SYNPR: variants seen among roughly 807,000 people sequenced by gnomAD.
SYNPR encodes the protein synaptoporin.
A neutral mutation model predicts 32.9 loss-of-function variants in SYNPR; 23 were observed. That is an observed-to-expected ratio of 0.70 (90% CI 0.50 to 0.99). The LOEUF is 0.99. Among genes scored for constraint, SYNPR ranks in the 50% least tolerant of loss-of-function variants. SYNPR has a pLI of 0.00. For synonymous variants in SYNPR, 146 were observed against 135.9 expected (o/e 1.07, Z -0.52); for missense variants, 318 against 349.3 (o/e 0.91, Z 0.71).
intron 2 of SYNPR, among the ~76,000 whole-genome samples, chr3:63,471,800 C>T (rs1700805347): frequency 6.6e-6 from 1 of 152,064 alleles, no homozygotes; most frequent in Non-Finnish European, 1.5e-5. Flanking sequence ...AAGAGGGGGA[C>T]ATCAAAGCAG....
chr3:63,400,654 A>T lies in SYNPR; in HGVS notation c.85-80178A>T, dbSNP rs188184113. Reference sequence around the variant, plus strand: ...CCATTGCTGTCATGACATTCTATTCATTGATGAGTCACCGAACTGAGCCCA... The same window carrying T: ...CCATTGCTGTCATGACATTCTATTCTTTGATGAGTCACCGAACTGAGCCCA... On this transcript the variant is annotated intron_variant, in intron 2 of 5. Transcript: ENST00000478300. 9.6e-4 allele frequency among the ~76,000 whole-genome samples: 146 copies of T among 152,348 alleles called. 1 individual carries two copies. The highest frequency in any genetic ancestry group is 3.5e-3 in the African/African-American group (144 of 41,588).
intron 2 of SYNPR, among the ~76,000 whole-genome samples, chr3:63,413,693 T>G (rs1447755097): frequency 1.3e-5 from 2 of 152,132 alleles, no homozygotes; most frequent in African/African-American, 2.4e-5. Context: ...GAAATCACTA[T>G]GAGCTATTGT....
intron 1 of SYNPR, among the ~76,000 whole-genome samples, chr3:63,240,680 G>A (rs2086234662): frequency 6.6e-6 from 1 of 152,162 alleles, no homozygotes; most frequent in Non-Finnish European, 1.5e-5. Flanking sequence ...ATCCATCATT[G>A]CGAAGGACAT....
intron 1 of SYNPR, among the ~76,000 whole-genome samples, chr3:63,239,942 T>C (rs2086228940): frequency 6.6e-6 from 1 of 152,130 alleles, no homozygotes; most frequent in Non-Finnish European, 1.5e-5. Flanking sequence ...ATTTATAAGA[T>C]GGAAATAGAT....
chr3:63,295,918 A>G (rs920516084), intron 2 of SYNPR, among the ~76,000 whole-genome samples: 1 of 151,972 alleles, frequency 6.6e-6, no homozygotes, highest in African/African-American at 2.4e-5. Flanking sequence ...TGCTTTTTTT[A>G]TTTGTTTTGG....
At chr3:63,609,987 G>C (rs1273135077) in intron 5 of SYNPR, among the ~76,000 whole-genome samples, 4 of 152,124 alleles carry the variant, frequency 2.6e-5, no homozygotes, top group Non-Finnish European at 5.9e-5. Flanking sequence ...GGGCATACAA[G>C]TTCCTGGGGA....
intron 2 of SYNPR, among the ~76,000 whole-genome samples, chr3:63,462,181 T>G (rs1399872479): frequency 1.3e-5 from 2 of 152,064 alleles, no homozygotes; most frequent in African/African-American, 2.4e-5. Flanking sequence ...CTAGCTCCTT[T>G]TCTGTCTTTT....
At chr3:63,379,106 G>C (rs552326162) in intron 2 of SYNPR, among the ~76,000 whole-genome samples, 7 of 152,154 alleles carry the variant, frequency 4.6e-5, no homozygotes, top group African/African-American at 1.7e-4. Context: ...GTGTTTGGGG[G>C]AAGTTTTATG....
intron 2 of SYNPR, among the ~76,000 whole-genome samples, chr3:63,365,792 T>G (rs1418404447): frequency 1.3e-5 from 2 of 150,798 alleles, no homozygotes; most frequent in African/African-American, 4.9e-5. Flanking sequence ...TAAAATGGGA[T>G]AGACAAAAAC....
chr3:63,593,138 G>A (rs11916554), intron 4 of SYNPR, among the ~76,000 whole-genome samples: 1,850 of 152,132 alleles, frequency 0.012, 29 homozygotes, highest in African/African-American at 0.037. Context: ...AGAGGGCTTA[G>A]CACAGCACCT....
intron 4 of SYNPR, among the ~76,000 whole-genome samples, chr3:63,559,102 C>A (rs1350261391): frequency 9.3e-4 from 129 of 138,386 alleles, no homozygotes; most frequent in Non-Finnish European, 1.6e-3. Flanking sequence ...CAGGATCTTA[C>A]TGTCACCCAG....
chr3:63,331,129 G>C (rs190635632), intron 2 of SYNPR, among the ~76,000 whole-genome samples: 1 of 152,256 alleles, frequency 6.6e-6, no homozygotes, highest in Admixed American at 6.5e-5. Context: ...GCCTAGGACA[G>C]ACATCACTAA....
chr3:63,350,295 C>G (rs1181586845), intron 2 of SYNPR, among the ~76,000 whole-genome samples: 1 of 151,954 alleles, frequency 6.6e-6, no homozygotes, highest in Non-Finnish European at 1.5e-5. Context: ...TATATACAGC[C>G]TTTATAGAAA....
upstream of SYNPR, among the ~76,000 whole-genome samples, chr3:63,226,101 T>A (rs1324691365): frequency 6.6e-6 from 1 of 152,118 alleles, no homozygotes; most frequent in Non-Finnish European, 1.5e-5. Flanking sequence ...ATGTTCAACA[T>A]CCCTGATAAT....
intron 1 of SYNPR, among the ~76,000 whole-genome samples, chr3:63,240,413 C>T (rs1197534852): frequency 6.6e-6 from 1 of 152,072 alleles, no homozygotes; most frequent in Non-Finnish European, 1.5e-5. Flanking sequence ...ACAGCATTCC[C>T]TACACTCATG....
intron 2 of SYNPR, among the ~76,000 whole-genome samples, chr3:63,253,844 G>A (rs1466824695): frequency 6.6e-6 from 1 of 152,120 alleles, no homozygotes; most frequent in Non-Finnish European, 1.5e-5. Context: ...TATAAAACAT[G>A]CTACTGTAAA....
intron 1 of SYNPR, among the ~76,000 whole-genome samples, chr3:63,237,923 C>T (rs1035796359): frequency 2.6e-5 from 4 of 152,030 alleles, no homozygotes; most frequent in Non-Finnish European, 5.9e-5. Context: ...AAGGAGAGTG[C>T]TGCTCCCAGA....
At chr3:63,607,487 T>C (rs1191096417) in intron 4 of SYNPR, among the ~76,000 whole-genome samples, 2 of 152,184 alleles carry the variant, frequency 1.3e-5, no homozygotes, top group African/African-American at 4.8e-5. Context: ...TGTTTATACC[T>C]CTACCTCATC....
intron 2 of SYNPR, among the ~76,000 whole-genome samples, chr3:63,293,133 T>C (rs2887081): frequency 0.46 from 69,279 of 151,988 alleles, 15,965 homozygotes; most frequent in Middle Eastern, 0.52. Flanking sequence ...GGCTGTACCA[T>C]GTTTGTGCTA....
Sources: allele counts gnomAD v4.1 joint callset (sites outside exome capture counted in the v4.1 genomes callset), GRCh38; gene constraint gnomAD v4.1.1; transcripts MANE v1.5; gene names NCBI Gene and HGNC (gene_info 2026-07-23, HGNC 2026-07-21).